The following PPFIA2 variants were observed in gnomAD, a reference collection of about 807,000 sequenced individuals.
PPFIA2 encodes PPFI scaffold protein A2.
PPFIA2 carries 46 observed loss-of-function variants against 175.5 expected under a neutral mutation model. The observed-to-expected ratio is 0.26, with a 90% confidence interval of 0.21 to 0.34. PPFIA2 has a LOEUF of 0.34. Ranked by LOEUF, PPFIA2 falls within the 10% of genes least tolerant of loss-of-function variation. The pLI is 1.00. For synonymous variants in PPFIA2, 568 were observed against 511.4 expected (o/e 1.11, Z -1.49); for missense variants, 1,179 against 1,506.1 (o/e 0.78, Z 3.60).
In PPFIA2 at chr12:81,374,768, T is replaced by G. The variant is rs1300314868; in HGVS notation, c.1132A>C (p.Met378Leu). 1.2e-6 allele frequency: 2 copies of G among 1,611,472 alleles called. No homozygotes were observed. The highest frequency in any genetic ancestry group is 1.7e-6 in the Non-Finnish European group (2 of 1,178,550). The change falls in exon 11 of 33, where the codon ATG becomes CTG. Residue 378 changes from methionine to leucine, a missense_variant and splice_region_variant. Physicochemically the swap from Met to Leu is conservative, Grantham distance 15 (BLOSUM62 2). Transcript: ENST00000549396. Reference sequence around the variant, plus strand: ...TGTAACTGTCTGTTTTTCTCTTCCATCTGAAATGGGAATGGGAGCAGAGAC... The same window carrying G: ...TGTAACTGTCTGTTTTTCTCTTCCAGCTGAAATGGGAATGGGAGCAGAGAC... ...LANKEAILRQ[M>L]EEKNRQLQER...
chr12:81,454,571 C>T (rs1036595067), intron 5 of PPFIA2, among the ~76,000 whole-genome samples: 2 of 152,118 alleles, frequency 1.3e-5, no homozygotes, highest in Non-Finnish European at 2.9e-5. Context: ...ATTCAATTCC[C>T]ACTGGAACTT....
chr12:81,455,418 T>C (rs754337043), intron 5 of PPFIA2, among the ~76,000 whole-genome samples: 2 of 152,236 alleles, frequency 1.3e-5, no homozygotes, highest in African/African-American at 4.8e-5. Context: ...GGTAGAAATG[T>C]ATTTTCCAGC....
intron 4 of PPFIA2, among the ~76,000 whole-genome samples, chr12:81,660,668 C>T (rs1243405599): frequency 6.6e-5 from 10 of 152,054 alleles, no homozygotes; most frequent in Non-Finnish European, 1.5e-4. Context: ...CAAGGCAGGC[C>T]AACATTCAAA....
chr12:81,620,236 T>A (rs1421629297), intron 4 of PPFIA2, among the ~76,000 whole-genome samples: 18 of 151,298 alleles, frequency 1.2e-4, no homozygotes, highest in East Asian at 1.9e-4. Flanking sequence ...AAAAATAATT[T>A]AAAAAATTAA....
In PPFIA2 at chr12:81,406,736, G is replaced by A. The variant is rs182094678; in HGVS notation, c.646-833C>T. 5.1e-3 allele frequency among the ~76,000 whole-genome samples: 775 copies of A among 151,724 alleles called. 3 individuals are homozygous for A. Among genetic ancestry groups the A allele is most frequent in the Admixed American group, 0.011 (168 of 15,212 alleles). The stretch of plus-strand genomic sequence containing the variant: ...TAATGCTGTAACTTATTTATTCCAT[G>A]GCATATTTTATTGTATTATCAACTC... On this transcript the variant is annotated intron_variant, in intron 7 of 32. Transcript: ENST00000549396.
intron 4 of PPFIA2, among the ~76,000 whole-genome samples, chr12:81,620,968 T>C (rs1419308528): frequency 6.6e-6 from 1 of 152,140 alleles, no homozygotes; most frequent in African/African-American, 2.4e-5. Context: ...GCTATATGAA[T>C]TGGTGTGGAA....
intron 6 of PPFIA2, among the ~76,000 whole-genome samples, chr12:81,444,953 G>A (rs189782626): frequency 1.7e-4 from 26 of 151,972 alleles, no homozygotes; most frequent in African/African-American, 5.5e-4. Flanking sequence ...GAACTTATTC[G>A]AGTAACAGCT....
chr12:81,642,372 G>T (rs1326197005), intron 4 of PPFIA2, among the ~76,000 whole-genome samples: 1 of 151,536 alleles, frequency 6.6e-6, no homozygotes, highest in East Asian at 1.9e-4. Flanking sequence ...TTTTACATCT[G>T]TCAGAAAACT....
intron 7 of PPFIA2, among the ~76,000 whole-genome samples, chr12:81,418,312 C>T (rs2045667766): frequency 6.6e-6 from 1 of 151,754 alleles, no homozygotes. Context: ...TTTTTATTTA[C>T]CACTTTTCCT....
chr12:81,540,981 A>G (rs1421161600), intron 4 of PPFIA2, among the ~76,000 whole-genome samples: 1 of 152,084 alleles, frequency 6.6e-6, no homozygotes, highest in East Asian at 1.9e-4. Flanking sequence ...GGTGCCTGCT[A>G]TCCTGAAACT....
chr12:81,415,604 T>C (rs2045075095), intron 7 of PPFIA2, among the ~76,000 whole-genome samples: 1 of 150,734 alleles, frequency 6.6e-6, no homozygotes, highest in East Asian at 1.9e-4. Flanking sequence ...TAAATTAATA[T>C]TTAAAGGGTT....
intron 3 of PPFIA2, among the ~76,000 whole-genome samples, chr12:81,699,507 C>T (rs1382062294): frequency 6.6e-6 from 1 of 151,158 alleles, no homozygotes; most frequent in African/African-American, 2.4e-5. Flanking sequence ...ATTATAAGCT[C>T]TTATTGAAGA....
intron 22 of PPFIA2, among the ~76,000 whole-genome samples, chr12:81,300,668 T>C (rs1285731456): frequency 3.3e-5 from 5 of 152,176 alleles, no homozygotes; most frequent in Non-Finnish European, 7.3e-5. Context: ...GGAACAGCGA[T>C]ACTCGTGCTC....
At chr12:81,439,749 C>G in intron 7 of PPFIA2, 1 of 490,190 alleles carries the variant, frequency 2.0e-6, no homozygotes, top group Non-Finnish European at 3.5e-6. Flanking sequence ...GCTCACATGT[C>G]ACTAGCTTTT....
chr12:81,346,648 A>G (rs1173841785), intron 18 of PPFIA2, among the ~76,000 whole-genome samples: 1 of 151,484 alleles, frequency 6.6e-6, no homozygotes, highest in Non-Finnish European at 1.5e-5. Flanking sequence ...ATAAGGAATT[A>G]ATGTATACAT....
intron 3 of PPFIA2, among the ~76,000 whole-genome samples, chr12:81,694,439 T>C (rs2075653208): frequency 1.3e-5 from 2 of 152,192 alleles, no homozygotes; most frequent in Non-Finnish European, 2.9e-5. Context: ...TGCTGCCAGA[T>C]ACTGATAGTG....
At chr12:81,432,549 T>G (rs1050671469) in intron 7 of PPFIA2, among the ~76,000 whole-genome samples, 9 of 148,130 alleles carry the variant, frequency 6.1e-5, no homozygotes, top group Non-Finnish European at 1.0e-4. Context: ...CAATGCAACC[T>G]CTGCCTCCCG....
At chr12:81,281,202 A>C in intron 27 of PPFIA2, 55 bp downstream of exon 27, 1 of 1,324,348 alleles carries the variant, frequency 7.6e-7, no homozygotes, top group Non-Finnish European at 1.0e-6. Context: ...AAGTATAGGT[A>C]ATATATTGTT....
Position 81,365,620 on chromosome 12 carries a change from T to C in PPFIA2, c.1545+1488A>G, listed in dbSNP as rs148119201. Among the ~76,000 whole-genome samples the C allele has an allele frequency of 1.2e-4, 18 of 151,896 alleles. No individual in the cohort carries two copies. In the East Asian group the frequency reaches 2.7e-3, roughly 23 times the overall value. Reference sequence around the variant, plus strand: ...GTCACAGTAAACTTCTGATGATTCATCAAATCAATCATCTTGATTTTCTTT... The same window carrying C: ...GTCACAGTAAACTTCTGATGATTCACCAAATCAATCATCTTGATTTTCTTT... On this transcript the variant is annotated intron_variant, in intron 14 of 32. Transcript: ENST00000549396.
Sources: gnomAD v4.1 joint callset for allele counts (sites outside exome capture counted in the v4.1 genomes callset) on GRCh38, gnomAD v4.1.1 for gene constraint, MANE v1.5 for transcripts, NCBI Gene and HGNC (gene_info 2026-07-23, HGNC 2026-07-21) for gene names.